The following RTN3 variants were observed in gnomAD, a reference collection of about 807,000 sequenced individuals.
RTN3 encodes reticulon-3.
Under a neutral mutation model 77.8 loss-of-function variants are expected in RTN3, and 49 were observed. That is an observed-to-expected ratio of 0.63 (90% CI 0.50 to 0.80). The LOEUF is 0.80. RTN3 is among the 30% of genes least tolerant of loss of function. The probability of loss-of-function intolerance (pLI) is 0.00; values close to 1 mark genes in which losing one functional copy is unlikely to be tolerated. For synonymous variants in RTN3, 464 were observed against 446.9 expected (o/e 1.04, Z -0.48); for missense variants, 1,236 against 1,211.9 (o/e 1.02, Z -0.29).
intron 3 of RTN3, among the ~76,000 whole-genome samples, chr11:63,734,146 T>C (rs1403026277): frequency 6.6e-6 from 1 of 152,158 alleles, no homozygotes; most frequent in Non-Finnish European, 1.5e-5. Context: ...CACTTTCTCC[T>C]GAAGATTGGG....
intron 3 of RTN3, among the ~76,000 whole-genome samples, chr11:63,728,111 G>A (rs77551416): frequency 0.018 from 2,809 of 152,244 alleles, 39 homozygotes; most frequent in Middle Eastern, 0.044. Context: ...AAAGACACAC[G>A]GGATAAAATC....
chr11:63,738,566 C>T (rs1328260090), intron 3 of RTN3, among the ~76,000 whole-genome samples: 1 of 148,562 alleles, frequency 6.7e-6, no homozygotes, highest in Non-Finnish European at 1.5e-5. Context: ...CACCTGAGCT[C>T]GGGAAGTCGA....
chr11:63,706,901 CTT>C (rs535955895), intron 2 of RTN3, among the ~76,000 whole-genome samples: 82 of 139,708 alleles, frequency 5.9e-4, no homozygotes, highest in African/African-American at 1.8e-3. Context: ...TTTCTTTTTT[CTT>C]TTTTTTTTTT....
chr11:63,756,314 A>T, intron 8 of RTN3, 144 bp downstream of exon 8: 2 of 601,312 alleles, frequency 3.3e-6, no homozygotes, highest in Non-Finnish European at 5.8e-6. Flanking sequence ...TTTTACTAAA[A>T]ATTATTATAG....
chr11:63,692,980 A>G (rs897121936), intron 1 of RTN3, among the ~76,000 whole-genome samples: 1 of 152,166 alleles, frequency 6.6e-6, no homozygotes, highest in Non-Finnish European at 1.5e-5. Flanking sequence ...CATATTGCCC[A>G]TGCTGGTCTT....
intron 2 of RTN3, among the ~76,000 whole-genome samples, chr11:63,715,712 G>A (rs964364841): frequency 1.3e-5 from 2 of 152,126 alleles, no homozygotes; most frequent in Admixed American, 1.3e-4. Context: ...CTCCCCTGTG[G>A]GGTGGAGTCA....
Position 63,720,836 on chromosome 11 carries a change from C to T in RTN3, c.2334C>T (p.Phe778=), listed in dbSNP as rs2011730849. The part of the protein sequence containing the change: ...LPSEEVLKQT[F]TFAPESWPQR... ...CTGAAGAAGTACTGAAGCAAACTTT[C>T]ACATTTGCTCCAGAATCTTGGCCAC... The change falls in exon 3 of 9, where the codon TTC becomes TTT. Residue 778 remains phenylalanine, a synonymous_variant. Transcript: ENST00000377819. 2 of 1,613,774 alleles carry T rather than the reference C, an allele frequency of 1.2e-6. No homozygotes were observed. Among genetic ancestry groups the T allele is most frequent in the South Asian group, 1.1e-5 (1 of 91,078 alleles).
Position 63,719,003 on chromosome 11 carries a change from T to A in RTN3, c.501T>A (p.Ala167=). The change falls in exon 3 of 9, where the codon GCT becomes GCA. Residue 167 remains alanine, a synonymous_variant. Coordinates refer to ENST00000377819, the MANE Select transcript of RTN3 (RefSeq NM_001265589.2). The part of the protein sequence containing the change: ...SIPASFPEHP[A]FLSKKIGQVE... The stretch of plus-strand genomic sequence containing the variant: ...CAGCCAGTTTCCCAGAGCATCCTGC[T>A]TTTCTCTCAAAGAAAATTGGTCAAG... The A allele has an allele frequency of 6.2e-7, 1 of 1,614,164 alleles. No homozygotes were observed.
chr11:63,699,620 C>G (rs1297680484), intron 1 of RTN3, among the ~76,000 whole-genome samples: 1 of 152,218 alleles, frequency 6.6e-6, no homozygotes, highest in African/African-American at 2.4e-5. Context: ...AGGATATAAT[C>G]CAGATTACAT....
In RTN3 at chr11:63,720,122, A is replaced by G; in HGVS notation, c.1620A>G (p.Lys540=). The stretch of plus-strand genomic sequence containing the variant: ...TAAAAACAGGTGAAAGAGAAATCAA[A>G]GAGATTCCCAGTTGTGAGAGAGAAG... ...AVVKTGEREI[K]EIPSCEREEK... is the part of the protein sequence containing the mutation. Residue 540 remains lysine, a synonymous_variant, in exon 3 of 9, where the codon AAA becomes AAG. Coordinates refer to ENST00000377819, the MANE Select transcript of RTN3 (RefSeq NM_001265589.2). The G allele has an allele frequency of 6.2e-7, 1 of 1,613,392 alleles. No individual in the cohort carries two copies. The highest frequency in any genetic ancestry group is 8.5e-7 in the Non-Finnish European group (1 of 1,179,814).
chr11:63,719,516 A>C lies in RTN3; in HGVS notation c.1014A>C (p.Glu338Asp). 1 of 1,614,192 alleles carries C rather than the reference A, an allele frequency of 6.2e-7. No individual in the cohort carries two copies. Among genetic ancestry groups the C allele is most frequent in the Non-Finnish European group, 8.5e-7 (1 of 1,180,038 alleles). Residue 338 changes from glutamate (E) to aspartate (D), a missense_variant, in exon 3 of 9, where the codon GAA (glutamate) becomes GAC (aspartate). Physicochemically the swap from Glu to Asp is conservative, Grantham distance 45 (BLOSUM62 2). Transcript: ENST00000377819. The stretch of plus-strand genomic sequence containing the variant: ...ATGATATGCATAACTTTACTAACGA[A>C]ATACTGACTTGGGATCTGGTTCCCC... ...CVNDMHNFTN[E>D]ILTWDLVPQV...
intron 3 of RTN3, among the ~76,000 whole-genome samples, chr11:63,721,681 A>G (rs1159354767): frequency 2.6e-5 from 4 of 152,000 alleles, no homozygotes; most frequent in Admixed American, 6.6e-5. Flanking sequence ...AGAATCTAAT[A>G]TCATCAGGTT....
At chr11:63,756,776 G>A (rs1050963035) in intron 8 of RTN3, among the ~76,000 whole-genome samples, 10 of 152,080 alleles carry the variant, frequency 6.6e-5, no homozygotes, top group Non-Finnish European at 1.5e-4. Context: ...GGCTGGGCAC[G>A]GTGGCTCACA....
chr11:63,711,392 T>G lies in RTN3; in HGVS notation c.199+6485T>G, dbSNP rs2510524. On this transcript the variant is annotated intron_variant, in intron 2 of 8. Transcript: ENST00000377819. ...TGTTTTTTGGGTTTTTTATTTTTTT[T>G]TTGTTATTTTTTTTTGAGACAGGGT... Among the ~76,000 whole-genome samples, 1,024 of 151,828 alleles carry G rather than the reference T, an allele frequency of 6.7e-3. 11 individuals are homozygous for G. The highest frequency in any genetic ancestry group is 0.023 in the African/African-American group (964 of 41,444).
chr11:63,681,457 C>G (rs1941024466), upstream of RTN3: 1 of 565,252 alleles, frequency 1.8e-6, no homozygotes. Flanking sequence ...TGCGCATGCG[C>G]GCTCGCGCTC....
At chr11:63,681,484 C>T (rs753655649), upstream of RTN3, 176 of 780,812 alleles carry the variant, frequency 2.3e-4, no homozygotes, top group Middle Eastern at 2.1e-3. Context: ...TCTAGCTGCG[C>T]TCGGCTGAGT....
At chr11:63,693,517 G>A (rs2134656136) in intron 1 of RTN3, among the ~76,000 whole-genome samples, 1 of 152,200 alleles carries the variant, frequency 6.6e-6, no homozygotes, top group African/African-American at 2.4e-5. Flanking sequence ...TTTTCACAGG[G>A]TTCATGAACT....
intron 2 of RTN3, among the ~76,000 whole-genome samples, chr11:63,716,821 T>C (rs1159265078): frequency 6.6e-6 from 1 of 151,582 alleles, no homozygotes; most frequent in Non-Finnish European, 1.5e-5. Flanking sequence ...AAAATAAAAT[T>C]AGCCAGGCGT....
chr11:63,756,279 A>T lies in RTN3; in HGVS notation c.3053+109A>T, dbSNP rs116664524. Reference sequence around the variant, plus strand: ...GCCAAGGAAAGTAATTTTCATTTTGATAAAAACCTTAGTTAATAGTTTCAT... The same window carrying T: ...GCCAAGGAAAGTAATTTTCATTTTGTTAAAAACCTTAGTTAATAGTTTCAT... On this transcript the variant is annotated intron_variant, in intron 8 of 8. Coordinates refer to ENST00000377819, the MANE Select transcript of RTN3 (RefSeq NM_001265589.2). 2,346 of 731,592 alleles carry T rather than the reference A, an allele frequency of 3.2e-3. 38 individuals are homozygous for T. In the African/African-American group the frequency reaches 0.036, roughly 11 times the overall value. The allele number at this position is 731,592 out of a possible 1,614,324, so 45.3% of individuals were successfully genotyped here.
Sources: gnomAD v4.1 joint callset for allele counts (sites outside exome capture counted in the v4.1 genomes callset) on GRCh38, gnomAD v4.1.1 for gene constraint, MANE v1.5 for transcripts, NCBI Gene and HGNC (gene_info 2026-07-23, HGNC 2026-07-21) for gene names.